ITSN1: variants seen among roughly 807,000 people sequenced by gnomAD.
ITSN1 encodes the protein intersectin 1.
A neutral mutation model predicts 239.8 loss-of-function variants in ITSN1; 58 were observed. That is an observed-to-expected ratio of 0.24 (90% CI 0.20 to 0.30). The LOEUF (loss-of-function observed/expected upper bound fraction) is 0.30. Among genes scored for constraint, ITSN1 ranks in the 10% least tolerant of loss-of-function variants. The pLI is 1.00. For synonymous variants in ITSN1, 780 were observed against 770.8 expected (o/e 1.01, Z -0.20); for missense variants, 1,558 against 2,103.3 (o/e 0.74, Z 5.07).
chr21:33,700,067 G>GT (rs374476036), intron 1 of ITSN1, among the ~76,000 whole-genome samples: 433 of 141,808 alleles, frequency 3.1e-3, no homozygotes, highest in East Asian at 6.9e-3. Flanking sequence ...TGCTTGAATT[G>GT]TTTTTTTTTT....
chr21:33,673,787 T>C (rs898265098), intron 1 of ITSN1, among the ~76,000 whole-genome samples: 5 of 152,194 alleles, frequency 3.3e-5, no homozygotes, highest in African/African-American at 1.2e-4. Context: ...ATTGAACAAA[T>C]GAATGTGGCA....
chr21:33,651,088 C>T (rs1429155817), intron 1 of ITSN1, among the ~76,000 whole-genome samples: 4 of 152,218 alleles, frequency 2.6e-5, no homozygotes, highest in Admixed American at 6.5e-5. Flanking sequence ...CTGGCAGACA[C>T]GCAAGGGTTA....
intron 1 of ITSN1, among the ~76,000 whole-genome samples, chr21:33,693,807 TG>T (rs1374065580): frequency 2.0e-5 from 3 of 152,238 alleles, no homozygotes; most frequent in Non-Finnish European, 4.4e-5. Flanking sequence ...CACAGTCCTG[TG>T]GAAGGGCACA....
rs57036929 is a variant in ITSN1, at chr21:33,741,894, C to CAAA, written c.346+6709_346+6711dup. ...TGGGCGACAGAGCGAGATTCCGTCT[C>CAAA]AAAAAAAAAAAAAAAAAAAAAGGAA... is the stretch of plus-strand genomic sequence containing the variant. On this transcript the variant is annotated intron_variant, in intron 5 of 39. Coordinates refer to ENST00000381318, the MANE Select transcript of ITSN1 (RefSeq NM_003024.3). 6.8e-4 allele frequency among the ~76,000 whole-genome samples: 50 copies of CAAA among 73,886 alleles called. 1 individual carries two copies. The highest frequency in any genetic ancestry group is 8.4e-4 in the East Asian group (2 of 2,392). 48.5% of individuals were successfully genotyped at this position (73,886 alleles called of 152,430 possible).
At chr21:33,837,236 A>C in intron 29 of ITSN1, 1 of 1,243,908 alleles carries the variant, frequency 8.0e-7, no homozygotes, top group Non-Finnish European at 1.0e-6. Context: ...AAAAACACAC[A>C]GGGTAGTGGG....
At chr21:33,673,350 T>C (rs936258848) in intron 1 of ITSN1, among the ~76,000 whole-genome samples, 2 of 152,078 alleles carry the variant, frequency 1.3e-5, no homozygotes, top group African/African-American at 4.8e-5. Context: ...TAATATTGTA[T>C]TGGAAAATTT....
At chr21:33,690,596 T>G (rs1039242522) in intron 1 of ITSN1, among the ~76,000 whole-genome samples, 14 of 141,340 alleles carry the variant, frequency 9.9e-5, no homozygotes, top group Non-Finnish European at 1.7e-4. Flanking sequence ...CGAGACTCCG[T>G]TTCAAAAAAA....
intron 29 of ITSN1, among the ~76,000 whole-genome samples, chr21:33,844,307 T>C (rs1340082758): frequency 3.3e-5 from 5 of 152,094 alleles, no homozygotes; most frequent in Non-Finnish European, 5.9e-5. Context: ...CGGTCGACGG[T>C]GGGGAGGCCA....
At chr21:33,768,186 A>G (rs993777877) in intron 11 of ITSN1, among the ~76,000 whole-genome samples, 7 of 152,250 alleles carry the variant, frequency 4.6e-5, no homozygotes, top group African/African-American at 1.7e-4. Context: ...TAGAAAATCA[A>G]ATCATCTACT....
chr21:33,842,614 G>A (rs1447688410), intron 29 of ITSN1, among the ~76,000 whole-genome samples: 1 of 152,018 alleles, frequency 6.6e-6, no homozygotes, highest in East Asian at 1.9e-4. Flanking sequence ...TGAGTTCAGG[G>A]TACAGCCAGA....
chr21:33,700,216 C>T (rs1000249926), intron 1 of ITSN1, among the ~76,000 whole-genome samples: 4 of 152,092 alleles, frequency 2.6e-5, no homozygotes, highest in Non-Finnish European at 4.4e-5. Context: ...TCCCGAGTAG[C>T]TGGGATTGCA....
rs2066167397 is a variant in ITSN1 at position 33,731,258 on chromosome 21, C to T, written c.186-3786C>T. On this transcript the variant is annotated intron_variant, in intron 4 of 39. Transcript: ENST00000381318. ...TTCTCCCCTAACCTACTCATTATCCCACACTGGATATTCCTGTTTCTCACC... is the reference window on the plus strand; with the variant it reads ...TTCTCCCCTAACCTACTCATTATCCTACACTGGATATTCCTGTTTCTCACC... 2.0e-5 allele frequency among the ~76,000 whole-genome samples: 3 copies of T among 152,126 alleles called. No individual in the cohort carries two copies. The South Asian group carries it at 6.2e-4, about 31-fold the overall frequency.
intron 1 of ITSN1, among the ~76,000 whole-genome samples, chr21:33,669,169 G>A (rs192646381): frequency 1.2e-4 from 18 of 152,312 alleles, no homozygotes; most frequent in Admixed American, 6.5e-5. Context: ...TGCAGGCTCC[G>A]CCTCCTGGGT....
chr21:33,847,312 A>G lies in ITSN1; in HGVS notation c.3662-9424A>G, dbSNP rs541690111. Among the ~76,000 whole-genome samples, 4 of 152,278 alleles carry G rather than the reference A, an allele frequency of 2.6e-5. No homozygotes were observed. The East Asian group carries it at 5.8e-4, about 22-fold the overall frequency. On this transcript the variant is annotated intron_variant, in intron 29 of 39. Transcript: ENST00000381318. ...GCCTTGGCCTAGACTGGCCACTGCC[A>G]TCCCCCACCAGTCCCCACCAGCCCT...
At chr21:33,685,550 A>C (rs1316795797) in intron 1 of ITSN1, among the ~76,000 whole-genome samples, 3 of 151,860 alleles carry the variant, frequency 2.0e-5, no homozygotes, top group Non-Finnish European at 4.4e-5. Context: ...TTAAAAACAC[A>C]TTTAAAACAC....
At chr21:33,879,123 G>A (rs1313796401) in intron 34 of ITSN1, among the ~76,000 whole-genome samples, 1 of 152,166 alleles carries the variant, frequency 6.6e-6, no homozygotes, top group African/African-American at 2.4e-5. Context: ...CAAGGCAGGA[G>A]GATCCCTTGA....
intron 1 of ITSN1, among the ~76,000 whole-genome samples, chr21:33,710,805 G>T (rs200428544): frequency 0.053 from 7,255 of 136,550 alleles, 610 homozygotes; most frequent in African/African-American, 0.18. Flanking sequence ...GAAGTTTTTT[G>T]TTTTTTTTTT....
chr21:33,878,723 G>C (rs1373658650), intron 34 of ITSN1, among the ~76,000 whole-genome samples: 2 of 152,206 alleles, frequency 1.3e-5, no homozygotes, highest in Non-Finnish European at 2.9e-5. Flanking sequence ...CCCATTTTGG[G>C]ATTTTGTGTT....
At chr21:33,722,456 T>C (rs1301477134) in intron 3 of ITSN1, 132 bp from the exon 4 acceptor site, 1 of 1,160,594 alleles carries the variant, frequency 8.6e-7, no homozygotes. Flanking sequence ...CCTTGGACTT[T>C]TATAATGCAC....
Sources: gnomAD v4.1 joint callset for allele counts (sites outside exome capture counted in the v4.1 genomes callset) on GRCh38, gnomAD v4.1.1 for gene constraint, MANE v1.5 for transcripts, NCBI Gene and HGNC (gene_info 2026-07-23, HGNC 2026-07-21) for gene names.